The following DPF3 variants were observed in gnomAD, a reference collection of about 807,000 sequenced individuals.
DPF3 encodes zinc finger protein DPF3.
In DPF3, 18 loss-of-function variants were observed where a neutral mutation model predicts 56.8. The ratio of observed to expected loss-of-function variants is 0.32; its 90% CI spans 0.22 to 0.47. The LOEUF is 0.47. Ranked by LOEUF, DPF3 falls within the 20% of genes least tolerant of loss-of-function variation. The probability of loss-of-function intolerance (pLI) is 1.00; values close to 1 mark genes in which losing one functional copy is unlikely to be tolerated. For missense variants in DPF3, 403 were observed against 488.8 expected (o/e 0.82, Z 1.65); for synonymous variants, 188 against 180.2 (o/e 1.04, Z -0.35).
chr14:72,759,508 A>AAGAG lies in DPF3; in HGVS notation c.194-6141_194-6138dup, dbSNP rs34502740. On this transcript the variant is annotated intron_variant, in intron 2 of 10. Transcript: ENST00000556509. ...ACATAGTAAGATCCTGTCTCCACAAAAGAGAGAGAGAGAGAGAGAGATGAA... is the reference window on the plus strand; with the variant it reads ...ACATAGTAAGATCCTGTCTCCACAAAAGAGAGAGAGAGAGAGAGAGAGAGATGAA... 1.4e-3 allele frequency among the ~76,000 whole-genome samples: 212 copies of AAGAG among 147,700 alleles called. 1 individual carries two copies. The highest frequency in any genetic ancestry group is 4.0e-3 in the African/African-American group (163 of 40,418).
intron 1 of DPF3, among the ~76,000 whole-genome samples, chr14:72,785,420 T>C (rs906002741): frequency 1.3e-5 from 2 of 152,244 alleles, no homozygotes; most frequent in African/African-American, 4.8e-5. Context: ...TAAGGATCTA[T>C]GTGGCCTTGT....
At chr14:72,651,077 C>A (rs1178724424) in intron 8 of DPF3, among the ~76,000 whole-genome samples, 4 of 152,196 alleles carry the variant, frequency 2.6e-5, no homozygotes, top group African/African-American at 4.8e-5. Flanking sequence ...GGAAACCAAG[C>A]CTCTAAGAGG....
rs142124796 is a variant in DPF3, at chr14:72,778,239, G to A, written c.33-6346C>T. ...TACCAGTCCATGCCTGTTAGGAACT[G>A]GGTGGCACAGCAGGAGGTGAGCTGT... is the stretch of plus-strand genomic sequence containing the variant. On this transcript the variant is annotated intron_variant, in intron 1 of 10. Transcript: ENST00000556509. 2.6e-5 allele frequency among the ~76,000 whole-genome samples: 4 copies of A among 152,320 alleles called. No homozygotes were observed. In the East Asian group the frequency reaches 7.7e-4, roughly 29 times the overall value.
chr14:72,767,689 A>C (rs1891343114), intron 2 of DPF3, among the ~76,000 whole-genome samples: 1 of 147,070 alleles, frequency 6.8e-6, no homozygotes, highest in Admixed American at 6.8e-5. Flanking sequence ...AAGTCCGAGA[A>C]GGAGAGGGGA....
In DPF3 at chr14:72,661,995, G is replaced by T. The variant is rs185469049; in HGVS notation, c.871+12245C>A. ...CCTCATCAGACATGATAACTAGGAGGCAGGCTGCTTCTGACATTCAGATAA... is the reference window on the plus strand; with the variant it reads ...CCTCATCAGACATGATAACTAGGAGTCAGGCTGCTTCTGACATTCAGATAA... On this transcript the variant is annotated intron_variant, in intron 8 of 10. Transcript: ENST00000556509. 1.8e-5 allele frequency: 18 copies of T among 984,576 alleles called. No homozygotes were observed. In the East Asian group the frequency reaches 1.6e-3, roughly 87 times the overall value. 61.0% of individuals were successfully genotyped at this position (984,576 alleles called of 1,614,324 possible).
At chr14:72,690,305 G>A (rs779417763) in intron 7 of DPF3, among the ~76,000 whole-genome samples, 3 of 152,104 alleles carry the variant, frequency 2.0e-5, no homozygotes, top group Non-Finnish European at 4.4e-5. Context: ...ATCCACACCC[G>A]AGTGCTTGTC....
Position 72,639,054 on chromosome 14 carries a change from C to T in DPF3, c.872-9318G>A, listed in dbSNP as rs149073416. ...GGATGGTCTCGATCTCCTAACCTTGCGATCTGCCTGCCTTGGCCTCCCAAA... is the reference window on the plus strand; with the variant it reads ...GGATGGTCTCGATCTCCTAACCTTGTGATCTGCCTGCCTTGGCCTCCCAAA... On this transcript the variant is annotated intron_variant, in intron 8 of 10. Coordinates refer to ENST00000556509, the MANE Select transcript of DPF3 (RefSeq NM_001280542.3). Among the ~76,000 whole-genome samples the T allele has an allele frequency of 5.1e-4, 77 of 152,278 alleles. 1 individual carries two copies. The highest frequency in any genetic ancestry group is 7.9e-4 in the Non-Finnish European group (54 of 68,018).
At chr14:72,828,925 C>T (rs541263864) in intron 1 of DPF3, among the ~76,000 whole-genome samples, 1 of 152,300 alleles carries the variant, frequency 6.6e-6, no homozygotes, top group South Asian at 2.1e-4. Flanking sequence ...ATTCGCAGGA[C>T]TGGGTGTCCC....
At chr14:72,812,168 C>A (rs1166473587) in intron 1 of DPF3, among the ~76,000 whole-genome samples, 1 of 152,024 alleles carries the variant, frequency 6.6e-6, no homozygotes, top group African/African-American at 2.4e-5. Context: ...GTGTAGTCCC[C>A]CACCTTCTCT....
intron 1 of DPF3, among the ~76,000 whole-genome samples, chr14:72,872,483 A>G (rs1444667933): frequency 6.6e-6 from 1 of 152,216 alleles, no homozygotes; most frequent in Non-Finnish European, 1.5e-5. Context: ...CTTTAACAGC[A>G]CCCAAGTCAC....
intron 1 of DPF3, among the ~76,000 whole-genome samples, chr14:72,810,775 T>C (rs1428033082): frequency 6.6e-5 from 10 of 152,166 alleles, no homozygotes; most frequent in Non-Finnish European, 1.5e-4. Context: ...AGCTGGGCCC[T>C]GGGCTCAGAA....
At chr14:72,771,612 T>C (rs916272834) in intron 2 of DPF3, 121 bp downstream of exon 2, 4 of 1,171,558 alleles carry the variant, frequency 3.4e-6, no homozygotes, top group African/African-American at 3.2e-5. Context: ...CAGAGGCCCA[T>C]GTGCAGCTTG....
chr14:72,816,580 C>A (rs1398294501), intron 1 of DPF3, among the ~76,000 whole-genome samples: 1 of 151,848 alleles, frequency 6.6e-6, no homozygotes, highest in African/African-American at 2.4e-5. Context: ...CCTCCTTCAT[C>A]TGCAGGATGG....
rs1012148516 is a variant in DPF3, at chr14:72,670,060, G to A, written c.871+4180C>T. ...GCAGTGTTGCTTTGGTTTATTTCAG[G>A]AAGTGCTATTGGAAACATAAAACAA... On this transcript the variant is annotated intron_variant, in intron 8 of 10. Coordinates refer to ENST00000556509, the MANE Select transcript of DPF3 (RefSeq NM_001280542.3). 1.0e-5 allele frequency: 10 copies of A among 985,700 alleles called. No homozygotes were observed. In the Admixed American group the frequency reaches 1.8e-4, roughly 18 times the overall value. The allele number at this position is 985,700 out of a possible 1,614,324, so 61.1% of individuals were successfully genotyped here.
At chr14:72,851,469 CAAAG>C (rs1264622709) in intron 1 of DPF3, among the ~76,000 whole-genome samples, 1 of 152,176 alleles carries the variant, frequency 6.6e-6, no homozygotes, top group Non-Finnish European at 1.5e-5. Flanking sequence ...ACAACTCTAA[CAAAG>C]AATTCATTGA....
intron 1 of DPF3, chr14:72,853,470 T>G (rs1267473839): frequency 1.0e-4 from 1 of 9,904 alleles, no homozygotes; most frequent in East Asian, 1.2e-3. Flanking sequence ...GCTTGCTGCC[T>G]TTTTTTTTTT....
chr14:72,695,576 T>A (rs1887865910), intron 6 of DPF3, among the ~76,000 whole-genome samples: 1 of 152,226 alleles, frequency 6.6e-6, no homozygotes, highest in Non-Finnish European at 1.5e-5. Context: ...TCCAGCTGCA[T>A]CCATGTTGCA....
At chr14:72,628,996 C>T (rs1189442786) in intron 9 of DPF3, among the ~76,000 whole-genome samples, 1 of 152,154 alleles carries the variant, frequency 6.6e-6, no homozygotes, top group East Asian at 1.9e-4. Context: ...ATGTATGGGC[C>T]TTATTTGAAT....
intron 1 of DPF3, among the ~76,000 whole-genome samples, chr14:72,822,037 G>A (rs149291112): frequency 6.6e-6 from 1 of 152,048 alleles, no homozygotes. Context: ...AATAAATCAT[G>A]GTATGTCCAC....
Sources: allele counts gnomAD v4.1 joint callset (sites outside exome capture counted in the v4.1 genomes callset), GRCh38; gene constraint gnomAD v4.1.1; transcripts MANE v1.5; gene names NCBI Gene and HGNC (gene_info 2026-07-23, HGNC 2026-07-21).